Variants in NAV2 observed in about 807,000 individuals in gnomAD.
NAV2 encodes helicase, APC down-regulated 1.
NAV2 carries 54 observed loss-of-function variants against 223.2 expected under a neutral mutation model. The ratio of observed to expected loss-of-function variants is 0.24; its 90% CI spans 0.19 to 0.30. The LOEUF (loss-of-function observed/expected upper bound fraction) is 0.30, where lower values mean the gene tolerates loss of function less well. Ranked by LOEUF, NAV2 falls within the 10% of genes least tolerant of loss-of-function variation. NAV2 has a pLI of 1.00. For missense variants in NAV2, 2,806 were observed against 3,147.5 expected, an observed-to-expected ratio of 0.89 and a Z score of 2.60; for synonymous variants, 1,279 against 1,239.3, an observed-to-expected ratio of 1.03 and a Z score of -0.67.
At chr11:20,048,153 C>T (rs2057637750) in intron 14 of NAV2, among the ~76,000 whole-genome samples, 1 of 152,182 alleles carries the variant, frequency 6.6e-6, no homozygotes, top group Non-Finnish European at 1.5e-5. Context: ...AGCTCTCTGG[C>T]TTCAAAAGAT....
intron 1 of NAV2, among the ~76,000 whole-genome samples, chr11:19,598,485 A>G (rs2046269890): frequency 6.6e-6 from 1 of 152,138 alleles, no homozygotes; most frequent in African/African-American, 2.4e-5. Flanking sequence ...TGTAGTGCTG[A>G]TGAGTTATTG....
chr11:20,015,705 A>G (rs1359803252), intron 11 of NAV2, among the ~76,000 whole-genome samples: 1 of 152,192 alleles, frequency 6.6e-6, no homozygotes, highest in Non-Finnish European at 1.5e-5. Flanking sequence ...AATGCCTGGC[A>G]CACAAAAGTC....
At chr11:20,100,765 A>G (rs1226020639) in intron 31 of NAV2, among the ~76,000 whole-genome samples, 172 bp from the exon 32 acceptor site, 2 of 152,118 alleles carry the variant, frequency 1.3e-5, no homozygotes, top group Non-Finnish European at 2.9e-5. Flanking sequence ...GACTTCCTAG[A>G]GCAGCAGCAC....
chr11:20,068,531 A>G, intron 22 of NAV2, 133 bp downstream of exon 22: 1 of 685,248 alleles, frequency 1.5e-6, no homozygotes, highest in East Asian at 2.7e-5. Flanking sequence ...CTTTGGCATC[A>G]TGGGTGTGAA....
chr11:19,776,633 T>TGTGTGTGTG (rs2056222720), intron 1 of NAV2, among the ~76,000 whole-genome samples: 1 of 13,230 alleles, frequency 7.6e-5, no homozygotes, highest in Non-Finnish European at 2.1e-4. Context: ...GGTCAGAAAA[T>TGTGTGTGTG]GTGTGTGTGT....
chr11:20,039,541 C>T (rs1016516142), intron 12 of NAV2, among the ~76,000 whole-genome samples: 4 of 152,164 alleles, frequency 2.6e-5, no homozygotes, highest in Admixed American at 1.3e-4. Context: ...AGGTTGACTA[C>T]GTTCTTAATA....
intron 1 of NAV2, among the ~76,000 whole-genome samples, chr11:19,542,688 A>C (rs2044372985): frequency 6.6e-6 from 1 of 152,256 alleles, no homozygotes; most frequent in Non-Finnish European, 1.5e-5. Flanking sequence ...ACTCTAATCC[A>C]GGTCATTTTG....
At chr11:19,381,584 G>A (rs1308965346) in intron 1 of NAV2, among the ~76,000 whole-genome samples, 1 of 152,178 alleles carries the variant, frequency 6.6e-6, no homozygotes, top group African/African-American at 2.4e-5. Context: ...TTGCTGCCCA[G>A]GGAAGAGGGC....
chr11:19,484,605 A>G (rs1404332419), intron 1 of NAV2, among the ~76,000 whole-genome samples: 2 of 152,120 alleles, frequency 1.3e-5, no homozygotes, highest in African/African-American at 4.8e-5. Flanking sequence ...GAAAGTTCCA[A>G]CTTCTGGTAT....
intron 4 of NAV2, among the ~76,000 whole-genome samples, chr11:19,879,471 G>T (rs892316631): frequency 6.6e-6 from 1 of 152,176 alleles, no homozygotes; most frequent in Non-Finnish European, 1.5e-5. Context: ...ACTCACTGTG[G>T]CTTGAAGCTT....
chr11:19,542,988 G>A (rs2044382060), intron 1 of NAV2, among the ~76,000 whole-genome samples: 1 of 147,328 alleles, frequency 6.8e-6, no homozygotes, highest in African/African-American at 2.7e-5. Flanking sequence ...CATGTCACTG[G>A]TTGAGCATGG....
Position 19,588,972 on chromosome 11 carries a change from G to A in NAV2, c.75+237945G>A, listed in dbSNP as rs569176366. Among the ~76,000 whole-genome samples, 13 of 152,272 alleles carry A rather than the reference G, an allele frequency of 8.5e-5. 1 individual carries two copies. The highest frequency in any genetic ancestry group is 3.1e-4 in the African/African-American group (13 of 41,554). On this transcript the variant is annotated intron_variant, in intron 1 of 37. Transcript: ENST00000360655. ...GGCTGGGGTTCTCCTAGGCCTCTGG[G>A]ATGCCTCCCATGGAGATCTGGGCAC...
chr11:20,053,218 G>GAA (rs60421659), intron 17 of NAV2, among the ~76,000 whole-genome samples: 5 of 40,972 alleles, frequency 1.2e-4, no homozygotes, highest in Admixed American at 4.7e-4. Context: ...ACTACGTCTC[G>GAA]AAAAAAAAAA....
At chr11:20,057,182 G>A (rs2058417786) in intron 19 of NAV2, among the ~76,000 whole-genome samples, 1 of 152,166 alleles carries the variant, frequency 6.6e-6, no homozygotes, top group African/African-American at 2.4e-5. Flanking sequence ...CTCCCAGCAT[G>A]AAAGAACAAA....
intron 1 of NAV2, among the ~76,000 whole-genome samples, chr11:19,670,196 A>G (rs2048540741): frequency 1.3e-5 from 2 of 152,114 alleles, no homozygotes; most frequent in East Asian, 1.9e-4. Context: ...TGCCACTCAC[A>G]GCAGTGACTC....
chr11:19,793,206 C>CAAAAAAA (rs557365857), intron 1 of NAV2, among the ~76,000 whole-genome samples: 1 of 58,240 alleles, frequency 1.7e-5, no homozygotes, highest in Non-Finnish European at 3.5e-5. Context: ...CACTCTGTCT[C>CAAAAAAA]AAAAAAAAAA....
chr11:19,485,930 A>G (rs1328689285), intron 1 of NAV2, among the ~76,000 whole-genome samples: 1 of 152,066 alleles, frequency 6.6e-6, no homozygotes, highest in Non-Finnish European at 1.5e-5. Flanking sequence ...ACCTGATTGC[A>G]GGGCAGGAGA....
intron 1 of NAV2, among the ~76,000 whole-genome samples, chr11:19,436,301 A>G (rs917328339): frequency 6.6e-6 from 1 of 152,188 alleles, no homozygotes; most frequent in Non-Finnish European, 1.5e-5. Context: ...GTAGATGTCC[A>G]GTTATCCGAA....
chr11:19,884,594 T>C, intron 5 of NAV2, among the ~76,000 whole-genome samples: 1 of 152,190 alleles, frequency 6.6e-6, no homozygotes, highest in East Asian at 1.9e-4. Flanking sequence ...GAGATTGAGG[T>C]GTACATGACG....
Sources: gnomAD v4.1 joint callset for allele counts (sites outside exome capture counted in the v4.1 genomes callset) on GRCh38, gnomAD v4.1.1 for gene constraint, MANE v1.5 for transcripts, NCBI Gene and HGNC (gene_info 2026-07-23, HGNC 2026-07-21) for gene names.